EPS15L1: variants seen among roughly 807,000 people sequenced by gnomAD.
EPS15L1 encodes the protein epidermal growth factor receptor pathway substrate 15 like 1, also known as epidermal growth factor receptor substrate 15-like 1.
EPS15L1 carries 43 observed loss-of-function variants against 117.1 expected under a neutral mutation model. The ratio of observed to expected loss-of-function variants is 0.37; its 90% CI spans 0.29 to 0.47. The LOEUF is 0.47. Among genes scored for constraint, EPS15L1 ranks in the 20% least tolerant of loss-of-function variants. EPS15L1 has a pLI of 0.99. For synonymous variants in EPS15L1, 459 were observed against 470.5 expected (o/e 0.98, Z 0.32); for missense variants, 981 against 1,164.0 (o/e 0.84, Z 2.29).
chr19:16,386,781 GCCTGT>G (rs2144748404), intron 19 of EPS15L1, among the ~76,000 whole-genome samples: 1 of 152,364 alleles, frequency 6.6e-6, no homozygotes, highest in South Asian at 2.1e-4. Context: ...ACTCGAGGCA[GCCTGT>G]AGCTGAGGCC....
intron 4 of EPS15L1, 122 bp downstream of exon 4, chr19:16,440,740 G>C: frequency 1.3e-6 from 1 of 793,504 alleles, no homozygotes; most frequent in Non-Finnish European, 2.1e-6. Flanking sequence ...TGTTAAGTTT[G>C]ACAGCCGTGC....
chr19:16,438,139 G>C (rs956040736), intron 4 of EPS15L1, among the ~76,000 whole-genome samples: 10 of 152,116 alleles, frequency 6.6e-5, no homozygotes, highest in Admixed American at 2.6e-4. Context: ...GATCACCTGA[G>C]GTCAGGAGTT....
chr19:16,455,620 A>G (rs1227762108), intron 1 of EPS15L1, among the ~76,000 whole-genome samples: 1 of 152,228 alleles, frequency 6.6e-6, no homozygotes, highest in African/African-American at 2.4e-5. Context: ...GTGGAGGTCA[A>G]CAGTGCTGCC....
intron 16 of EPS15L1, chr19:16,401,800 G>C: frequency 1.0e-6 from 1 of 985,794 alleles, no homozygotes; most frequent in East Asian, 1.1e-4. Context: ...AATTTCAGGA[G>C]AGGCCAATTC....
chr19:16,398,963 A>G (rs992132554), intron 16 of EPS15L1, among the ~76,000 whole-genome samples: 2 of 151,822 alleles, frequency 1.3e-5, no homozygotes, highest in Non-Finnish European at 2.9e-5. Flanking sequence ...GCCTGGCTCT[A>G]TTTAGTTTTT....
intron 22 of EPS15L1, among the ~76,000 whole-genome samples, chr19:16,363,317 C>G (rs775186032): frequency 2.6e-5 from 4 of 152,224 alleles, no homozygotes; most frequent in Admixed American, 6.5e-5. Context: ...CAGGAACTGC[C>G]TGTCCCTCCA....
Position 16,425,153 on chromosome 19 carries a change from G to A in EPS15L1, c.722C>T (p.Ser241Phe). 1 of 1,614,052 alleles carries A rather than the reference G, an allele frequency of 6.2e-7. No homozygotes were observed. The highest frequency in any genetic ancestry group is 8.5e-7 in the Non-Finnish European group (1 of 1,179,958). The change falls in exon 9 of 24, where the codon TCC (serine) becomes TTC (phenylalanine). Residue 241 changes from serine (S) to phenylalanine (F), a missense_variant. Transcript: ENST00000455140. The stretch of plus-strand genomic sequence containing the variant: ...GTTGAGGCTGCTGACGCTGCCGTGG[G>A]ACGGCGTGGAGCGGAGGCTGTCTTT... ...PPKDSLRSTP[S>F]HGSVSSLNST...
At chr19:16,374,737 C>T (rs1166977658) in intron 22 of EPS15L1, among the ~76,000 whole-genome samples, 1 of 152,212 alleles carries the variant, frequency 6.6e-6, no homozygotes, top group African/African-American at 2.4e-5. Context: ...CTCCTCAGGG[C>T]CCAGCAAATA....
intron 1 of EPS15L1, among the ~76,000 whole-genome samples, chr19:16,455,549 C>T (rs545571132): frequency 1.3e-5 from 2 of 152,236 alleles, no homozygotes; most frequent in African/African-American, 4.8e-5. Context: ...GACTGCCCAG[C>T]TCCATCTACA....
At chr19:16,393,914 C>G in intron 18 of EPS15L1, 37 bp downstream of exon 18, 1 of 1,605,310 alleles carries the variant, frequency 6.2e-7, no homozygotes, top group Non-Finnish European at 8.5e-7. Flanking sequence ...GGACTGGACA[C>G]AGTCTAAAGA....
rs1161998153 is a variant in EPS15L1 at position 16,370,202 on chromosome 19, C to A, written c.2380+6920G>T. 6.6e-6 allele frequency among the ~76,000 whole-genome samples: 1 copy of A among 152,142 alleles called. No homozygotes were observed. Among genetic ancestry groups the A allele is most frequent in the Non-Finnish European group, 1.5e-5 (1 of 68,016 alleles). On this transcript the variant is annotated intron_variant, in intron 22 of 23. Coordinates refer to ENST00000455140, the MANE Select transcript of EPS15L1 (RefSeq NM_001258374.3). The surrounding 1 kb of genome is among the most constrained non-coding windows in gnomAD (Gnocchi z 5.2). The stretch of plus-strand genomic sequence containing the variant: ...CTTTTGCTCTCTTTATGGCCAGATT[C>A]CCCATTGCCCGAGTGCATGTGATAT...
chr19:16,376,038 T>C (rs2092291100), intron 22 of EPS15L1, among the ~76,000 whole-genome samples: 1 of 152,160 alleles, frequency 6.6e-6, no homozygotes, highest in East Asian at 1.9e-4. Flanking sequence ...CAGTGGCAGA[T>C]TCCAGGGGAG....
chr19:16,367,604 C>T (rs960222848), intron 22 of EPS15L1, among the ~76,000 whole-genome samples: 36 of 151,316 alleles, frequency 2.4e-4, no homozygotes, highest in African/African-American at 8.0e-4. Flanking sequence ...GCTGCGCACG[C>T]CCCTAGCACC....
chr19:16,449,926 T>C (rs1260257040), intron 1 of EPS15L1, among the ~76,000 whole-genome samples: 1 of 152,170 alleles, frequency 6.6e-6, no homozygotes, highest in Non-Finnish European at 1.5e-5. Context: ...AATAATTCCA[T>C]CACATAACAT....
chr19:16,459,851 T>C (rs757448952), intron 1 of EPS15L1, among the ~76,000 whole-genome samples: 3 of 152,222 alleles, frequency 2.0e-5, no homozygotes, highest in Non-Finnish European at 2.9e-5. Context: ...ACAGTCCTTA[T>C]AGCCTGCCCT....
chr19:16,451,111 C>T lies in EPS15L1; in HGVS notation c.34-8892G>A, dbSNP rs900296600. 3.3e-5 allele frequency among the ~76,000 whole-genome samples: 5 copies of T among 152,024 alleles called. 1 individual carries two copies. In the East Asian group the frequency reaches 7.8e-4, roughly 24 times the overall value. On this transcript the variant is annotated intron_variant, in intron 1 of 23. Transcript: ENST00000455140. ...GATTACAGGCACCCACCACCGTGCC[C>T]GGCTAGTTTTTATACTTTTAGTAGA...
intron 7 of EPS15L1, 57 bp downstream of exon 7, chr19:16,434,308 C>T (rs1022167546): frequency 1.6e-5 from 25 of 1,582,132 alleles, no homozygotes; most frequent in Middle Eastern, 2.0e-4. Flanking sequence ...AGAACAGTGG[C>T]GCCCACACAC....
chr19:16,381,220 G>A lies in EPS15L1; in HGVS notation c.2247+3909C>T, dbSNP rs1311047321. 2.6e-5 allele frequency among the ~76,000 whole-genome samples: 4 copies of A among 152,272 alleles called. No individual in the cohort carries two copies. Among genetic ancestry groups the A allele is most frequent in the African/African-American group, 9.6e-5 (4 of 41,472 alleles). ...CAGTGACCTGGCAGGGGGTCCCACT[G>A]TCAGCACCTCTGCCTTACACACAAG... On this transcript the variant is annotated intron_variant, in intron 21 of 23. Coordinates refer to ENST00000455140, the MANE Select transcript of EPS15L1 (RefSeq NM_001258374.3). The surrounding 1 kb of genome is among the most constrained non-coding windows in gnomAD (Gnocchi z 4.2).
chr19:16,441,826 C>G (rs1599656610), intron 3 of EPS15L1, 66 bp downstream of exon 3: 1 of 1,343,302 alleles, frequency 7.4e-7, no homozygotes. Context: ...CACAGGCTGG[C>G]CCTGACCTGC....
Sources: allele counts gnomAD v4.1 joint callset (sites outside exome capture counted in the v4.1 genomes callset), GRCh38; gene constraint gnomAD v4.1.1; non-coding constraint Gnocchi (gnomAD v3.1); transcripts MANE v1.5; gene names NCBI Gene and HGNC (gene_info 2026-07-23, HGNC 2026-07-21).